Variants in DIAPH3 observed in about 807,000 individuals in gnomAD.
DIAPH3 encodes protein diaphanous homolog 3.
DIAPH3 carries 117 observed loss-of-function variants against 144.3 expected under a neutral mutation model. The observed-to-expected ratio is 0.81, with a 90% CI of 0.70 to 0.95. The LOEUF (loss-of-function observed/expected upper bound fraction) is 0.95. Among genes scored for constraint, DIAPH3 ranks in the 40% least tolerant of loss-of-function variants. DIAPH3 has a pLI of 0.00. For synonymous variants in DIAPH3, 519 were observed against 488.9 expected (o/e 1.06, Z -0.81); for missense variants, 1,421 against 1,412.7 (o/e 1.01, Z -0.09).
chr13:59,729,230 T>C (rs2035756361), intron 27 of DIAPH3, among the ~76,000 whole-genome samples: 1 of 152,208 alleles, frequency 6.6e-6, no homozygotes, highest in Admixed American at 6.5e-5. Flanking sequence ...GGCAGAAGCA[T>C]GATCCTAGGT....
At position 59,721,105 on chromosome 13, in the gene DIAPH3, A is replaced by C. The variant is rs923395622; in HGVS notation, c.3319+53084T>G. Among the ~76,000 whole-genome samples, 8 of 152,348 alleles carry C rather than the reference A, an allele frequency of 5.3e-5. No homozygotes were observed. In the South Asian group the frequency reaches 1.4e-3, roughly 28 times the overall value. ...CCACAAATAACTTGCTAACCATTAC[A>C]CAAATCAAGAATTTTGATTTATAGT... On this transcript the variant is annotated intron_variant, in intron 27 of 27. Transcript: ENST00000400324.
chr13:59,939,455 A>T lies in DIAPH3; in HGVS notation c.2075-14585T>A, dbSNP rs564113315. On this transcript the variant is annotated intron_variant, in intron 17 of 27. Coordinates refer to ENST00000400324, the MANE Select transcript of DIAPH3 (RefSeq NM_001042517.2). ...AATTACTCCGTCATTAAAGGTGCAT[A>T]GTGATAAAGCCAGGGCAGACTTTTA... Among the ~76,000 whole-genome samples, 7 of 152,302 alleles carry T rather than the reference A, an allele frequency of 4.6e-5. No individual in the cohort carries two copies. The South Asian group carries it at 1.5e-3, about 32-fold the overall frequency.
At chr13:59,948,601 G>A (rs1017802598) in intron 17 of DIAPH3, among the ~76,000 whole-genome samples, 2 of 152,096 alleles carry the variant, frequency 1.3e-5, no homozygotes, top group African/African-American at 4.8e-5. Flanking sequence ...ACAGGCATGG[G>A]TTTATCAGGC....
intron 17 of DIAPH3, among the ~76,000 whole-genome samples, chr13:59,943,552 C>A (rs562822700): frequency 2.0e-5 from 3 of 152,220 alleles, no homozygotes; most frequent in East Asian, 1.9e-4. Context: ...TCACTCACTC[C>A]CTCCCAAATC....
intron 5 of DIAPH3, among the ~76,000 whole-genome samples, chr13:60,027,806 A>C (rs2054483733): frequency 6.6e-6 from 1 of 152,220 alleles, no homozygotes; most frequent in South Asian, 2.1e-4. Flanking sequence ...ATTAAACATC[A>C]TTAGTTCAAG....
intron 27 of DIAPH3, among the ~76,000 whole-genome samples, chr13:59,730,656 G>C (rs1231230331): frequency 6.6e-6 from 1 of 152,158 alleles, no homozygotes; most frequent in Non-Finnish European, 1.5e-5. Context: ...GAGAATGTGA[G>C]TTCTGGAACC....
chr13:59,786,839 TG>T, intron 25 of DIAPH3, among the ~76,000 whole-genome samples: 2 of 152,310 alleles, frequency 1.3e-5, no homozygotes, highest in Middle Eastern at 6.8e-3. Context: ...CTGGGTGTTG[TG>T]GCTTACGCCT....
In DIAPH3 at chr13:60,063,039, T is replaced by C. The variant is rs551844236; in HGVS notation, c.496-20219A>G. 1.5e-4 allele frequency among the ~76,000 whole-genome samples: 23 copies of C among 152,340 alleles called. 1 individual carries two copies. The South Asian group carries it at 4.8e-3, about 32-fold the overall frequency. The stretch of plus-strand genomic sequence containing the variant: ...CTCTTCCTTTCATGAAAGATTTTTC[T>C]GTAGCATGCAATGCTACTTGATAGC... On this transcript the variant is annotated intron_variant, in intron 4 of 27. Coordinates refer to ENST00000400324, the MANE Select transcript of DIAPH3 (RefSeq NM_001042517.2).
intron 4 of DIAPH3, among the ~76,000 whole-genome samples, chr13:60,085,829 C>G (rs1478194371): frequency 6.6e-6 from 1 of 152,056 alleles, no homozygotes; most frequent in Non-Finnish European, 1.5e-5. Context: ...GGTTATCTGA[C>G]ATGGTAAGTT....
intron 17 of DIAPH3, among the ~76,000 whole-genome samples, chr13:59,957,518 T>G (rs2049480688): frequency 6.6e-6 from 1 of 152,180 alleles, no homozygotes. Context: ...CTCTTTTTCT[T>G]TATAAATACC....
intron 27 of DIAPH3, among the ~76,000 whole-genome samples, chr13:59,731,439 T>C (rs1407816627): frequency 2.0e-5 from 3 of 152,148 alleles, no homozygotes; most frequent in African/African-American, 7.2e-5. Flanking sequence ...AAAATCCAAT[T>C]ATATAATTAT....
intron 22 of DIAPH3, among the ~76,000 whole-genome samples, chr13:59,857,893 G>T (rs2043347289): frequency 6.6e-6 from 1 of 152,158 alleles, no homozygotes; most frequent in South Asian, 2.1e-4. Context: ...AGGCTATATA[G>T]AGATATGACA....
intron 17 of DIAPH3, among the ~76,000 whole-genome samples, chr13:59,956,476 T>G (rs2049410085): frequency 6.6e-6 from 1 of 152,100 alleles, no homozygotes; most frequent in Non-Finnish European, 1.5e-5. Flanking sequence ...TGCAAATAAG[T>G]CAAGAACTGA....
intron 27 of DIAPH3, among the ~76,000 whole-genome samples, chr13:59,704,367 C>G (rs9538503): frequency 0.016 from 2,476 of 152,302 alleles, 30 homozygotes; most frequent in Non-Finnish European, 0.025. Context: ...AATTTAAGTT[C>G]CTCTGGTCCT....
In DIAPH3 at chr13:59,970,870, T is replaced by C. The variant is rs1231304828; in HGVS notation, c.1941A>G (p.Arg647=). 2 of 1,613,024 alleles carry C rather than the reference T, an allele frequency of 1.2e-6. No individual in the cohort carries two copies. Among genetic ancestry groups the C allele is most frequent in the Non-Finnish European group, 1.7e-6 (2 of 1,179,862 alleles). The change falls in exon 16 of 28, where the codon AGA becomes AGG. Residue 647 remains arginine (R), a synonymous_variant. Coordinates refer to ENST00000400324, the MANE Select transcript of DIAPH3 (RefSeq NM_001042517.2). ...KKEFKPEISM[R]RLNWLKIRPH... ...CTTTTACCTTTAACCAATTCAATCT[T>C]CTCATGCTGATTTCAGGTTTAAATT... is the stretch of plus-strand genomic sequence containing the variant.
intron 13 of DIAPH3, among the ~76,000 whole-genome samples, chr13:59,982,222 G>T (rs1373752851): frequency 6.6e-6 from 1 of 151,002 alleles, no homozygotes; most frequent in Non-Finnish European, 1.5e-5. Flanking sequence ...ACATAAGCAC[G>T]CATCACTTAT....
chr13:60,110,148 G>A (rs1259983006), intron 3 of DIAPH3, among the ~76,000 whole-genome samples: 1 of 152,176 alleles, frequency 6.6e-6, no homozygotes, highest in Non-Finnish European at 1.5e-5. Flanking sequence ...GGAGGGAAAA[G>A]AGGTGTTCTT....
At chr13:60,022,505 G>C (rs1390092354) in intron 5 of DIAPH3, among the ~76,000 whole-genome samples, 1 of 152,150 alleles carries the variant, frequency 6.6e-6, no homozygotes, top group African/African-American at 2.4e-5. Context: ...TGGAAGCAAG[G>C]TGTTCAAAAT....
chr13:59,904,304 G>A (rs530265891), intron 20 of DIAPH3, among the ~76,000 whole-genome samples: 2 of 152,232 alleles, frequency 1.3e-5, no homozygotes, highest in East Asian at 1.9e-4. Flanking sequence ...ACATTTAGGG[G>A]TAATGGGTAT....
Sources: gnomAD v4.1 joint callset for allele counts (sites outside exome capture counted in the v4.1 genomes callset) on GRCh38, gnomAD v4.1.1 for gene constraint, MANE v1.5 for transcripts, NCBI Gene and HGNC (gene_info 2026-07-23, HGNC 2026-07-21) for gene names.